Variants in NRP1 observed in about 807,000 individuals in gnomAD.
NRP1 encodes neuropilin 1, also known as neuropilin-1.
A neutral mutation model predicts 106.7 loss-of-function variants in NRP1; 35 were observed. The observed-to-expected ratio is 0.33, with a 90% confidence interval of 0.25 to 0.43. NRP1 has a LOEUF of 0.43. NRP1 is among the 20% of genes least tolerant of loss of function. The pLI is 1.00. For missense variants in NRP1, 1,024 were observed against 1,170.4 expected, an observed-to-expected ratio of 0.87 and a Z score of 1.83; for synonymous variants, 437 against 417.9, an observed-to-expected ratio of 1.05 and a Z score of -0.56.
intron 2 of NRP1, among the ~76,000 whole-genome samples, chr10:33,278,748 C>A (rs1843894322): frequency 6.6e-6 from 1 of 152,018 alleles, no homozygotes; most frequent in Admixed American, 6.6e-5. Flanking sequence ...ATGACCAGTT[C>A]TCGAATAATC....
intron 11 of NRP1, among the ~76,000 whole-genome samples, chr10:33,199,389 ATTTTTTTTTTTTT>A (rs1160327036): frequency 6.5e-4 from 24 of 36,844 alleles, no homozygotes; most frequent in South Asian, 1.5e-3. Flanking sequence ...ATATATATAT[ATTTTTTTTTTTTT>A]TTTTTTTTTT....
chr10:33,253,945 A>C (rs1842029530), intron 6 of NRP1, 83 bp downstream of exon 6: 2 of 1,312,214 alleles, frequency 1.5e-6, no homozygotes, highest in Non-Finnish European at 2.1e-6. Flanking sequence ...GCCATTTGGC[A>C]CAGTACCACT....
chr10:33,244,125 T>C (rs1841241571), intron 6 of NRP1, among the ~76,000 whole-genome samples: 2 of 152,154 alleles, frequency 1.3e-5, no homozygotes, highest in Non-Finnish European at 2.9e-5. Flanking sequence ...CTTTGGAATT[T>C]ACAGGGTTCA....
chr10:33,318,457 T>A (rs1251934920), intron 2 of NRP1, among the ~76,000 whole-genome samples: 3 of 152,062 alleles, frequency 2.0e-5, no homozygotes, highest in Admixed American at 6.5e-5. Flanking sequence ...GTGAATGAAC[T>A]AACAGACACA....
chr10:33,327,971 TAACA>T, intron 2 of NRP1, among the ~76,000 whole-genome samples: 1 of 152,164 alleles, frequency 6.6e-6, no homozygotes, highest in Non-Finnish European at 1.5e-5. Flanking sequence ...AGGCTAAATA[TAACA>T]GCCTTTCAGC....
chr10:33,281,201 C>T (rs1425020111), intron 2 of NRP1, among the ~76,000 whole-genome samples: 1 of 151,972 alleles, frequency 6.6e-6, no homozygotes, highest in African/African-American at 2.4e-5. Flanking sequence ...AGGCAAGCAC[C>T]ACCACACCCA....
At chr10:33,236,679 G>A (rs1840580338) in intron 6 of NRP1, among the ~76,000 whole-genome samples, 1 of 152,198 alleles carries the variant, frequency 6.6e-6, no homozygotes, top group South Asian at 2.1e-4. Flanking sequence ...AACAAAGAGG[G>A]TAACAGTAAT....
intron 12 of NRP1, chr10:33,194,705 A>T (rs1836653438): frequency 1.9e-6 from 1 of 520,580 alleles, no homozygotes; most frequent in South Asian, 1.5e-5. Context: ...TATTTAAAGG[A>T]TATGTTTTTA....
Position 33,266,039 on chromosome 10 carries a change from C to A in NRP1, c.431-2166G>T, listed in dbSNP as rs1588880954. 2.0e-5 allele frequency among the ~76,000 whole-genome samples: 3 copies of A among 152,206 alleles called. No homozygotes were observed. The South Asian group carries it at 6.2e-4, about 32-fold the overall frequency. Reference sequence around the variant, plus strand: ...TCCAAACTCTTCCCTGGGGAAAAAACCGCTTTGGCTACATTCTTGTAAGCC... The same window carrying A: ...TCCAAACTCTTCCCTGGGGAAAAAAACGCTTTGGCTACATTCTTGTAAGCC... On this transcript the variant is annotated intron_variant, in intron 3 of 16. Coordinates refer to ENST00000374867, the MANE Select transcript of NRP1 (RefSeq NM_003873.7).
chr10:33,324,868 C>G (rs1028513863), intron 2 of NRP1, among the ~76,000 whole-genome samples: 1 of 152,162 alleles, frequency 6.6e-6, no homozygotes, highest in Non-Finnish European at 1.5e-5. Flanking sequence ...AGTCGAACTC[C>G]TGACTTCAAG....
chr10:33,218,322 AC>A (rs1399897390), intron 8 of NRP1, among the ~76,000 whole-genome samples: 11 of 150,192 alleles, frequency 7.3e-5, no homozygotes, highest in African/African-American at 2.7e-4. Flanking sequence ...TTCCAGGATT[AC>A]TATATTTCTT....
intron 11 of NRP1, chr10:33,201,814 T>G (rs1837332633): frequency 6.6e-6 from 1 of 152,200 alleles, no homozygotes. Context: ...TTTCAATTTT[T>G]TTTTCTTTCT....
chr10:33,226,144 T>C lies in NRP1; in HGVS notation c.1127A>G (p.Asn376Ser), dbSNP rs769749073. The change falls in exon 7 of 17, where the codon AAC becomes AGC. Residue 376 changes from asparagine (N) to serine (S), a missense_variant. Transcript: ENST00000374867. ...GEDWITIKEG[N>S]KPVLFQGNTN... The stretch of plus-strand genomic sequence containing the variant: ...GGCAGCCTAACTTACAACAGGTTTG[T>C]TTCCTTCTTTTATGGTGATCCAGTC... 15 of 1,613,970 alleles carry C rather than the reference T, an allele frequency of 9.3e-6. No individual in the cohort carries two copies. The East Asian group carries it at 3.3e-4, about 36-fold the overall frequency.
intron 1 of NRP1, among the ~76,000 whole-genome samples, chr10:33,331,694 C>T (rs757801238): frequency 1.1e-4 from 17 of 152,160 alleles, no homozygotes; most frequent in Non-Finnish European, 2.2e-4. Flanking sequence ...TAGTTTTGAG[C>T]CTTCATTTCA....
At position 33,186,572 on chromosome 10, in the gene NRP1, A is replaced by T; in HGVS notation, c.2063-84T>A. Reference sequence around the variant, plus strand: ...TCTTCTTTCAAGTCTCACTAATCAAAAGCTTCCTGCGCTGAGCACCAAGAA... The same window carrying T: ...TCTTCTTTCAAGTCTCACTAATCAATAGCTTCCTGCGCTGAGCACCAAGAA... On this transcript the variant is annotated intron_variant, in intron 13 of 16. Transcript: ENST00000374867. The T allele has an allele frequency of 3.4e-6, 5 of 1,485,942 alleles. No individual in the cohort carries two copies. The South Asian group carries it at 6.5e-5, about 19-fold the overall frequency. The allele number at this position is 1,485,942 out of a possible 1,614,324, so 92.0% of individuals were successfully genotyped here. A position where few individuals can be genotyped will look rare whatever the true frequency, so the allele number is the denominator to read the frequency against.
intron 3 of NRP1, among the ~76,000 whole-genome samples, chr10:33,265,271 T>G (rs543626535): frequency 2.6e-5 from 4 of 152,350 alleles, no homozygotes; most frequent in Non-Finnish European, 4.4e-5. Context: ...GAAGTCTTTA[T>G]CCTTTTGAAT....
chr10:33,243,768 G>A (rs1841202797), intron 6 of NRP1, among the ~76,000 whole-genome samples: 1 of 152,048 alleles, frequency 6.6e-6, no homozygotes, highest in Admixed American at 6.5e-5. Context: ...TTCAATAGTT[G>A]GAAATATAAA....
intron 2 of NRP1, among the ~76,000 whole-genome samples, chr10:33,330,217 AACTT>A (rs1456761811): frequency 6.6e-6 from 1 of 152,166 alleles, no homozygotes; most frequent in Non-Finnish European, 1.5e-5. Context: ...TTCCATGTCA[AACTT>A]ACTTAGTAAG....
At chr10:33,288,064 C>T (rs1282988509) in intron 2 of NRP1, among the ~76,000 whole-genome samples, 1 of 152,118 alleles carries the variant, frequency 6.6e-6, no homozygotes, top group Non-Finnish European at 1.5e-5. Flanking sequence ...TTAAAGTGAA[C>T]TTTGATGACA....
Sources: allele counts gnomAD v4.1 joint callset (sites outside exome capture counted in the v4.1 genomes callset), GRCh38; gene constraint gnomAD v4.1.1; transcripts MANE v1.5; gene names NCBI Gene and HGNC (gene_info 2026-07-23, HGNC 2026-07-21).